LPCAT2: variants seen among roughly 807,000 people sequenced by gnomAD.
LPCAT2 encodes the protein 1-AGP acyltransferase 11.
A neutral mutation model predicts 64.7 loss-of-function variants in LPCAT2; 58 were observed. The ratio of observed to expected loss-of-function variants is 0.90; its 90% CI spans 0.73 to 1.12. The LOEUF (loss-of-function observed/expected upper bound fraction) is 1.12, where lower values mean the gene tolerates loss of function less well. Ranked by LOEUF, LPCAT2 falls within the 50% of genes most tolerant of loss-of-function variation. LPCAT2 has a pLI of 0.00. For missense variants in LPCAT2, 579 were observed against 669.8 expected, an observed-to-expected ratio of 0.86 and a Z score of 1.50; for synonymous variants, 252 against 245.3, an observed-to-expected ratio of 1.03 and a Z score of -0.26.
At chr16:55,566,761 T>G (rs763220275) in intron 11 of LPCAT2, 64 of 1,602,300 alleles carry the variant, frequency 4.0e-5, no homozygotes, top group Non-Finnish European at 5.3e-5. Context: ...GAAAGCATGT[T>G]TCTTGCAAAG....
chr16:55,556,722 T>C (rs1210695872), intron 11 of LPCAT2, among the ~76,000 whole-genome samples: 1 of 152,112 alleles, frequency 6.6e-6, no homozygotes, highest in African/African-American at 2.4e-5. Context: ...CACTCCAGCC[T>C]GGGCGACAGA....
rs1460736092 is a variant in LPCAT2, at chr16:55,586,054, A to G, written c.*2956A>G. ...AGACCATTCCCGGGAAAGTAGACAT[A>G]CTTACATTTTTTTCCTTTTCTGCTC... On this transcript the variant is annotated 3_prime_UTR_variant, in exon 14 of 14. Coordinates refer to ENST00000262134, the MANE Select transcript of LPCAT2 (RefSeq NM_017839.5). The G allele has an allele frequency of 6.6e-6, 1 of 152,124 alleles. No homozygotes were observed. The allele number at this position is 152,124 out of a possible 1,614,324, so 9.4% of individuals were successfully genotyped here.
chr16:55,565,291 C>T (rs767900374), intron 11 of LPCAT2, among the ~76,000 whole-genome samples: 12 of 151,878 alleles, frequency 7.9e-5, no homozygotes, highest in African/African-American at 7.2e-5. Context: ...TAAGGAAAAG[C>T]GTATGGTAGT....
chr16:55,535,329 C>A (rs140120518), intron 7 of LPCAT2, among the ~76,000 whole-genome samples: 12 of 152,226 alleles, frequency 7.9e-5, no homozygotes, highest in Non-Finnish European at 1.6e-4. Flanking sequence ...TCAACGTAAT[C>A]CAACCAACTT....
chr16:55,551,151 T>C, intron 11 of LPCAT2, 49 bp downstream of exon 11: 1 of 1,486,968 alleles, frequency 6.7e-7, no homozygotes, highest in Non-Finnish European at 9.1e-7. Context: ...AGTCCTACAG[T>C]GAGTAAATCA....
chr16:55,579,674 A>G (rs763302906), intron 13 of LPCAT2, among the ~76,000 whole-genome samples: 1 of 152,196 alleles, frequency 6.6e-6, no homozygotes, highest in Non-Finnish European at 1.5e-5. Context: ...GGCCAGGCAA[A>G]ACTGAACAAG....
chr16:55,560,350 C>G (rs1171488027), intron 11 of LPCAT2, among the ~76,000 whole-genome samples: 1 of 152,064 alleles, frequency 6.6e-6, no homozygotes, highest in East Asian at 1.9e-4. Flanking sequence ...AAGGCTTCAT[C>G]TAAAGTGGGA....
At chr16:55,518,867 G>A (rs1197879453) in intron 1 of LPCAT2, among the ~76,000 whole-genome samples, 3 of 73,442 alleles carry the variant, frequency 4.1e-5, no homozygotes, top group African/African-American at 1.1e-4. Context: ...CCTTGAATTA[G>A]GCAGTGGTTT....
chr16:55,567,193 A>C, intron 11 of LPCAT2: 1 of 1,613,892 alleles, frequency 6.2e-7, no homozygotes, highest in Non-Finnish European at 8.5e-7. Context: ...GAATTTAAGT[A>C]TCTGTGGAAC....
chr16:55,574,398 T>C (rs1963803935), intron 11 of LPCAT2, among the ~76,000 whole-genome samples: 1 of 152,158 alleles, frequency 6.6e-6, no homozygotes, highest in South Asian at 2.1e-4. Flanking sequence ...AGAGCCATGA[T>C]AAATGGCCCC....
At chr16:55,538,896 C>T (rs1041395556) in intron 8 of LPCAT2, 1 of 151,920 alleles carries the variant, frequency 6.6e-6, no homozygotes, top group Non-Finnish European at 1.5e-5. Flanking sequence ...CTATAGAATA[C>T]ACTTCAGGAA....
intron 7 of LPCAT2, among the ~76,000 whole-genome samples, chr16:55,536,527 CAT>C (rs1963326367): frequency 6.6e-6 from 1 of 152,156 alleles, no homozygotes; most frequent in African/African-American, 2.4e-5. Flanking sequence ...TGAACTGACA[CAT>C]TAACAATTTA....
At chr16:55,553,871 G>A (rs1405616877) in intron 11 of LPCAT2, among the ~76,000 whole-genome samples, 2 of 152,210 alleles carry the variant, frequency 1.3e-5, no homozygotes, top group African/African-American at 2.4e-5. Flanking sequence ...ATGGGTGGCA[G>A]AATGGATGTT....
intron 11 of LPCAT2, among the ~76,000 whole-genome samples, chr16:55,556,499 CG>C (rs1339865509): frequency 6.6e-6 from 1 of 152,124 alleles, no homozygotes; most frequent in African/African-American, 2.4e-5. Flanking sequence ...ACACCAGGGC[CG>C]GGCGCGGTGG....
At chr16:55,549,180 C>A in intron 9 of LPCAT2, 97 bp from the exon 10 acceptor site, 2 of 951,506 alleles carry the variant, frequency 2.1e-6, no homozygotes, top group Non-Finnish European at 3.1e-6. Flanking sequence ...AATACTTTTT[C>A]ATTTGCTGTC....
chr16:55,566,815 G>T (rs371676163), intron 11 of LPCAT2: 1 of 1,613,648 alleles, frequency 6.2e-7, no homozygotes, highest in Admixed American at 1.7e-5. Flanking sequence ...GAAGCTCTTG[G>T]AGGCCTCTTT....
At chr16:55,514,765 C>G (rs1408347093) in intron 1 of LPCAT2, among the ~76,000 whole-genome samples, 1 of 152,042 alleles carries the variant, frequency 6.6e-6, no homozygotes, top group African/African-American at 2.4e-5. Context: ...TCTTACTATA[C>G]AAAGACTTTA....
intron 5 of LPCAT2, 62 bp from the exon 6 acceptor site, chr16:55,532,762 C>G: frequency 9.2e-7 from 1 of 1,088,380 alleles, no homozygotes; most frequent in Non-Finnish European, 1.4e-6. Context: ...TATTAATTTT[C>G]TCTTTATCAT....
At position 55,586,595 on chromosome 16, in the gene LPCAT2, T is replaced by C. The variant is rs1963950279; in HGVS notation, c.*3497T>C. The C allele has an allele frequency of 7.8e-6, 1 of 127,936 alleles. No homozygotes were observed. The highest frequency in any genetic ancestry group is 4.2e-5 in the African/African-American group (1 of 23,574). The allele number at this position is 127,936 out of a possible 1,614,324, so 7.9% of individuals were successfully genotyped here. ...GAATGTAAATTTTAAAAACTGTACC[T>C]ACTGTTTTTTGGAAATCTGTAACAA... On this transcript the variant is annotated 3_prime_UTR_variant, in exon 14 of 14. Coordinates refer to ENST00000262134, the MANE Select transcript of LPCAT2 (RefSeq NM_017839.5).
Sources: allele counts gnomAD v4.1 joint callset (sites outside exome capture counted in the v4.1 genomes callset), GRCh38; gene constraint gnomAD v4.1.1; transcripts MANE v1.5; gene names NCBI Gene and HGNC (gene_info 2026-07-23, HGNC 2026-07-21).